The following MAG variants were observed in gnomAD, a reference collection of about 807,000 sequenced individuals.
The protein encoded by MAG is myelin associated glycoprotein, also known as myelin-associated glycoprotein.
Under a neutral mutation model 60.7 loss-of-function variants are expected in MAG, and 30 were observed. That is an observed-to-expected ratio of 0.49 (90% CI 0.37 to 0.67). The LOEUF (loss-of-function observed/expected upper bound fraction) is 0.67, where lower values mean the gene tolerates loss of function less well. Among genes scored for constraint, MAG ranks in the 30% least tolerant of loss-of-function variants. The pLI is 0.00. For missense variants in MAG, 795 were observed against 851.7 expected (o/e 0.93, Z 0.83); for synonymous variants, 384 against 376.8 (o/e 1.02, Z -0.22).
Position 35,309,969 on chromosome 19 carries a change from G to A in MAG, c.1327G>A (p.Ala443Thr), listed in dbSNP as rs370719292. The change falls in exon 8 of 11, where the codon GCC becomes ACC. Residue 443 changes from alanine to threonine, a missense_variant. By Grantham distance (58) the Ala-to-Thr change is moderately conservative (BLOSUM62 0). Transcript: ENST00000392213. Reference sequence around the variant, plus strand: ...GAAGTCCAACCCGGAGCCGTCCGTGGCCTTTGAGCTGCCATCGCGCAATGT... The same window carrying A: ...GAAGTCCAACCCGGAGCCGTCCGTGACCTTTGAGCTGCCATCGCGCAATGT... ...VVKSNPEPSVAFELPSRNVTV... is the reference protein window; with the variant it reads ...VVKSNPEPSVTFELPSRNVTV... 35 of 1,613,912 alleles carry A rather than the reference G, an allele frequency of 2.2e-5. No individual in the cohort carries two copies. Among genetic ancestry groups the A allele is most frequent in the Non-Finnish European group, 2.5e-5 (30 of 1,179,948 alleles).
rs2066370752 is a variant in MAG at position 35,293,229 on chromosome 19, TG to T, written c.-79-1005del. Among the ~76,000 whole-genome samples the T allele has an allele frequency of 6.6e-6, 1 of 151,938 alleles. No individual in the cohort carries two copies. Among genetic ancestry groups the T allele is most frequent in the Non-Finnish European group, 1.5e-5 (1 of 67,976 alleles). On this transcript the variant is annotated intron_variant, in intron 1 of 10. Coordinates refer to ENST00000392213, the MANE Select transcript of MAG (RefSeq NM_002361.4). This position sits in a 1 kb window ranked among gnomAD's most constrained non-coding sequence, Gnocchi z 4.0. ...CGCGTCTATAGCCATCCTCAGTGTG[TG>T]TGTGCAGTTCCTTGCATCTTTGTTA... is the stretch of plus-strand genomic sequence containing the variant.
intron 4 of MAG, among the ~76,000 whole-genome samples, chr19:35,298,147 TCAAA>T (rs946840435): frequency 1.7e-5 from 2 of 120,906 alleles, no homozygotes; most frequent in East Asian, 2.7e-4. Context: ...TACCCACACA[TCAAA>T]CACACACTAC....
At chr19:35,296,472 A>T (rs964332506) in intron 4 of MAG, among the ~76,000 whole-genome samples, 1 of 152,212 alleles carries the variant, frequency 6.6e-6, no homozygotes, top group African/African-American at 2.4e-5. Flanking sequence ...AGGTGTTCTG[A>T]ATTTTCAAGA....
chr19:35,297,823 C>G (rs2066412725), intron 4 of MAG, among the ~76,000 whole-genome samples: 1 of 150,204 alleles, frequency 6.7e-6, no homozygotes, highest in Non-Finnish European at 1.5e-5. Flanking sequence ...ACCCCACACA[C>G]AACAAACATG....
In MAG at chr19:35,310,569, C is replaced by G. The variant is rs199748603; in HGVS notation, c.1542C>G (p.Ile514Met). 1 of 1,614,170 alleles carries G rather than the reference C, an allele frequency of 6.2e-7. No individual in the cohort carries two copies. Among genetic ancestry groups the G allele is most frequent in the South Asian group, 1.1e-5 (1 of 91,086 alleles). The change falls in exon 9 of 11, where the codon ATC becomes ATG. Residue 514 changes from isoleucine (I) to methionine (M), a missense_variant. Ile to Met is a conservative substitution (Grantham distance 10, BLOSUM62 1). Transcript: ENST00000392213. The part of the protein sequence containing the change: ...QGAHRLMWAK[I>M]GPVGAVVAFA... ...CAGATCGACTGATGTGGGCCAAGAT[C>G]GGGCCTGTGGGCGCCGTGGTCGCCT...
Position 35,302,690 on chromosome 19 carries a change from T to C in MAG, c.1213T>C (p.Phe405Leu). 6.2e-7 allele frequency: 1 copy of C among 1,613,844 alleles called. No individual in the cohort carries two copies. Among genetic ancestry groups the C allele is most frequent in the Non-Finnish European group, 8.5e-7 (1 of 1,180,032 alleles). Reference protein sequence around the residue: ...ENQYGQRATAFNLSVEFAPVL... With the variant: ...ENQYGQRATALNLSVEFAPVL... ...CCAGTATGGCCAGAGGGCCACCGCC[T>C]TCAACCTGTCTGTGGAGTGTGAGTA... Residue 405 changes from phenylalanine to leucine, a missense_variant, in exon 7 of 11, where the codon TTC becomes CTC. Physicochemically the swap from Phe to Leu is conservative, Grantham distance 22. Transcript: ENST00000392213.
chr19:35,295,823 A>G lies in MAG; in HGVS notation c.257A>G (p.Gln86Arg), dbSNP rs1393284051. The G allele has an allele frequency of 6.2e-7, 1 of 1,613,926 alleles. No homozygotes were observed. The highest frequency in any genetic ancestry group is 1.7e-5 in the Admixed American group (1 of 60,020). Reference sequence around the variant, plus strand: ...ACCCAAGTAGTCCACGAGAGCTTCCAGGGCCGCAGCCGCCTCCTGGGGGAC... The same window carrying G: ...ACCCAAGTAGTCCACGAGAGCTTCCGGGGCCGCAGCCGCCTCCTGGGGGAC... Reference protein sequence around the residue: ...SRTQVVHESFQGRSRLLGDLG... With the variant: ...SRTQVVHESFRGRSRLLGDLG... Residue 86 changes from glutamine to arginine, a missense_variant, in exon 4 of 11, where the codon CAG becomes CGG. Physicochemically the swap from Gln to Arg is conservative, Grantham distance 43. Transcript: ENST00000392213. The surrounding 1 kb of genome is among the most constrained non-coding windows in gnomAD (Gnocchi z 5.8).
intron 7 of MAG, 78 bp from the exon 8 acceptor site, chr19:35,309,796 G>A: frequency 6.6e-7 from 1 of 1,512,226 alleles, no homozygotes; most frequent in Non-Finnish European, 9.0e-7. Context: ...CACTGGCCTT[G>A]CCTTGAGCCA....
chr19:35,298,170 C>G (rs1438280558), intron 4 of MAG, among the ~76,000 whole-genome samples: 1 of 151,060 alleles, frequency 6.6e-6, no homozygotes, highest in Non-Finnish European at 1.5e-5. Context: ...ACACACTGCA[C>G]AAACCACGCA....
chr19:35,298,007 T>A (rs1158433771), intron 4 of MAG, among the ~76,000 whole-genome samples: 7 of 107,474 alleles, frequency 6.5e-5, no homozygotes, highest in African/African-American at 1.9e-4. Context: ...CTGCACATAC[T>A]ACCCACGCAC....
At chr19:35,306,001 C>G (rs1346675638) in intron 7 of MAG, among the ~76,000 whole-genome samples, 1 of 127,362 alleles carries the variant, frequency 7.9e-6, no homozygotes. Context: ...CCCACCCCCC[C>G]ACTCCAGCCT....
Position 35,309,880 on chromosome 19 carries a change from CT to C in MAG, c.1239del (p.Val414CysfsTer21). ...CCTGATTTTGCCCCTGCAGTCGCCC[CT>C]GTGCTCCTCCTGGAGTCCCACTGCG... Reference protein sequence around the residue: ...TAFNLSVEFAPVLLLESHCAA... With the variant: ...TAFNLSVEFAXVLLLESHCAA... On this transcript the variant is annotated frameshift_variant, in exon 8 of 11. Transcript: ENST00000392213. LOFTEE classifies it high-confidence loss of function. 1 of 1,609,744 alleles carries C rather than the reference CT, an allele frequency of 6.2e-7. No homozygotes were observed. The highest frequency in any genetic ancestry group is 8.5e-7 in the Non-Finnish European group (1 of 1,178,852).
intron 4 of MAG, 114 bp from the exon 5 acceptor site, chr19:35,299,440 T>G: frequency 1.5e-6 from 1 of 681,854 alleles, no homozygotes; most frequent in Non-Finnish European, 2.3e-6. Flanking sequence ...GCGATACCGT[T>G]GAGGAGTACC....
At chr19:35,298,347 C>G (rs1415745477) in intron 4 of MAG, among the ~76,000 whole-genome samples, 2 of 147,368 alleles carry the variant, frequency 1.4e-5, no homozygotes, top group Non-Finnish European at 3.0e-5. Flanking sequence ...CACACTCTAC[C>G]TACACACTAC....
Position 35,300,292 on chromosome 19 carries a change from G to C in MAG, c.858G>C (p.Glu286Asp), listed in dbSNP as rs201069117. The C allele has an allele frequency of 1.3e-6, 2 of 1,599,702 alleles. No homozygotes were observed. The highest frequency in any genetic ancestry group is 8.5e-7 in the Non-Finnish European group (1 of 1,179,208). Residue 286 changes from glutamate to aspartate, a missense_variant, in exon 6 of 11, where the codon GAG becomes GAC. Transcript: ENST00000392213. Reference sequence around the variant, plus strand: ...CAGTCCTCCGGGAGGCGGTGGCCGAGAGCCTGCTCCTGGAGCTGGAGGAGG... The same window carrying C: ...CAGTCCTCCGGGAGGCGGTGGCCGACAGCCTGCTCCTGGAGCTGGAGGAGG... ...DGTVLREAVA[E>D]SLLLELEEVT... is the part of the protein sequence containing the mutation.
At chr19:35,309,086 T>TA (rs1350711205) in intron 7 of MAG, among the ~76,000 whole-genome samples, 1 of 152,044 alleles carries the variant, frequency 6.6e-6, no homozygotes, top group Non-Finnish European at 1.5e-5. Flanking sequence ...TGAATGAGGT[T>TA]AGAGAGAGTG....
intron 10 of MAG, 30 bp from the exon 11 acceptor site, chr19:35,313,260 A>G: frequency 6.2e-7 from 1 of 1,604,252 alleles, no homozygotes; most frequent in South Asian, 1.1e-5. Flanking sequence ...AGGGAGCAGG[A>G]CCCTGCTAAT....
At chr19:35,300,000 G>T in intron 5 of MAG, 147 bp from the exon 6 acceptor site, 1 of 1,104,058 alleles carries the variant, frequency 9.1e-7, no homozygotes, top group South Asian at 2.0e-5. Flanking sequence ...GGGTTGGGTG[G>T]GACGGGGGCG....
chr19:35,312,538 GT>G, intron 10 of MAG: 2 of 544,014 alleles, frequency 3.7e-6, no homozygotes, highest in Admixed American at 3.1e-5. Context: ...TGGCTAGGGG[GT>G]GGAGGGAGGG....
Sources: gnomAD v4.1 joint callset for allele counts (sites outside exome capture counted in the v4.1 genomes callset) on GRCh38, gnomAD v4.1.1 for gene constraint, Gnocchi (gnomAD v3.1) non-coding constraint, MANE v1.5 for transcripts, NCBI Gene and HGNC (gene_info 2026-07-23, HGNC 2026-07-21) for gene names.